GOLGB1: variants seen among roughly 807,000 people sequenced by gnomAD.
The protein encoded by GOLGB1 is golgin B1.
In GOLGB1, 174 loss-of-function variants were observed where a neutral mutation model predicts 336.9. The ratio of observed to expected loss-of-function variants is 0.52; its 90% CI spans 0.46 to 0.59. The LOEUF is 0.59. Among genes scored for constraint, GOLGB1 ranks in the 20% least tolerant of loss-of-function variants. The pLI, the probability that GOLGB1 is intolerant of heterozygous loss-of-function variation, is 0.00. For missense variants in GOLGB1, 3,331 were observed against 3,645.3 expected (o/e 0.91, Z 2.22); for synonymous variants, 1,208 against 1,289.2 (o/e 0.94, Z 1.35).
At chr3:121,718,531 G>T in intron 7 of GOLGB1, 30 bp from the exon 8 acceptor site, 1 of 1,330,498 alleles carries the variant, frequency 7.5e-7, no homozygotes, top group African/African-American at 1.4e-5. Flanking sequence ...GACATAATAT[G>T]CTAACAAATG....
rs1393871241 is a variant in GOLGB1 at position 121,747,686 on chromosome 3, T to C, written c.-3+1946A>G. Reference sequence around the variant, plus strand: ...GAAAGACAGAAGGGGGTATATATTATCATGTGCTTTATTATGATCAGAAAG... The same window carrying C: ...GAAAGACAGAAGGGGGTATATATTACCATGTGCTTTATTATGATCAGAAAG... On this transcript the variant is annotated intron_variant, in intron 1 of 21. Coordinates refer to ENST00000614479, the MANE Select transcript of GOLGB1 (RefSeq NM_001366282.2). Among the ~76,000 whole-genome samples, 4 of 152,014 alleles carry C rather than the reference T, an allele frequency of 2.6e-5. No individual in the cohort carries two copies. In the East Asian group the frequency reaches 7.7e-4, roughly 29 times the overall value.
intron 1 of GOLGB1, among the ~76,000 whole-genome samples, chr3:121,743,020 A>G (rs1241429493): frequency 1.3e-5 from 2 of 152,268 alleles, no homozygotes; most frequent in African/African-American, 4.8e-5. Flanking sequence ...TATTGGTGGT[A>G]GTGTAAATTA....
At chr3:121,727,291 CACATATATATAT>C (rs1328044303) in intron 4 of GOLGB1, among the ~76,000 whole-genome samples, 9 of 51,148 alleles carry the variant, frequency 1.8e-4, no homozygotes, top group Non-Finnish European at 3.4e-4. Flanking sequence ...TACACACACA[CACATATATATAT>C]ATATATATAT....
intron 6 of GOLGB1, 40 bp from the exon 7 acceptor site, chr3:121,719,808 C>T (rs1222951987): frequency 2.0e-6 from 3 of 1,525,736 alleles, no homozygotes; most frequent in Non-Finnish European, 2.6e-6. Flanking sequence ...AGTTACACTC[C>T]CCGAATATTG....
intron 10 of GOLGB1, among the ~76,000 whole-genome samples, chr3:121,704,601 A>C (rs1943659855): frequency 6.6e-6 from 1 of 151,960 alleles, no homozygotes. Context: ...AACATGGAGA[A>C]ACTCCGTCTC....
At chr3:121,685,940 C>G (rs1340101328) in intron 14 of GOLGB1, among the ~76,000 whole-genome samples, 4 of 152,154 alleles carry the variant, frequency 2.6e-5, no homozygotes, top group Non-Finnish European at 1.5e-5. Context: ...CTCCTCTAGT[C>G]TAGATACTAG....
chr3:121,727,675 T>C (rs765205232), intron 4 of GOLGB1, among the ~76,000 whole-genome samples: 1 of 150,978 alleles, frequency 6.6e-6, no homozygotes, highest in African/African-American at 2.4e-5. Flanking sequence ...CAATAATCTA[T>C]TTTTTTTTCC....
chr3:121,677,268 G>A lies in GOLGB1; in HGVS notation c.9039+17C>T. On this transcript the variant is annotated intron_variant, in intron 16 of 21. Transcript: ENST00000614479. The stretch of plus-strand genomic sequence containing the variant: ...AAAATTTATCTCTGAGTAACAATCA[G>A]CATTGAAATTACTCACCTGTCTTTG... The A allele has an allele frequency of 6.4e-7, 1 of 1,563,266 alleles. No individual in the cohort carries two copies. Among genetic ancestry groups the A allele is most frequent in the Non-Finnish European group, 8.8e-7 (1 of 1,141,186 alleles).
At chr3:121,733,095 G>A (rs1364946674) in intron 1 of GOLGB1, among the ~76,000 whole-genome samples, 2 of 151,446 alleles carry the variant, frequency 1.3e-5, no homozygotes, top group Non-Finnish European at 2.9e-5. Flanking sequence ...AGGCCAGGGC[G>A]GGCGGATCAC....
At chr3:121,739,309 C>T (rs1946696013) in intron 1 of GOLGB1, among the ~76,000 whole-genome samples, 1 of 151,624 alleles carries the variant, frequency 6.6e-6, no homozygotes. Flanking sequence ...AATTCAGATA[C>T]ATTACTAGAA....
intron 17 of GOLGB1, among the ~76,000 whole-genome samples, chr3:121,674,825 CTTTTTT>C (rs891603400): frequency 8.3e-6 from 1 of 121,040 alleles, no homozygotes. Flanking sequence ...AGGTGCCTTT[CTTTTTT>C]TTTTTTTTTT....
Position 121,691,601 on chromosome 3 carries a change from T to C in GOLGB1, c.7763A>G (p.Asn2588Ser). The C allele has an allele frequency of 1.2e-6, 2 of 1,613,822 alleles. No homozygotes were observed. Among genetic ancestry groups the C allele is most frequent in the Non-Finnish European group, 1.7e-6 (2 of 1,179,888 alleles). ...ATTAAAGGACCTCCGCAGATCCTCATTTGCTTCCTCAGATTCCTTCAGCTT... is the reference window on the plus strand; with the variant it reads ...ATTAAAGGACCTCCGCAGATCCTCACTTGCTTCCTCAGATTCCTTCAGCTT... ...EEKLKESEEA[N>S]EDLRRSFNAL... is the part of the protein sequence containing the mutation. The change falls in exon 14 of 22, where the codon AAT becomes AGT. Residue 2588 changes from asparagine (N) to serine (S), a missense_variant. Asn to Ser is a conservative substitution (Grantham distance 46, BLOSUM62 1). Coordinates refer to ENST00000614479, the MANE Select transcript of GOLGB1 (RefSeq NM_001366282.2).
intron 18 of GOLGB1, chr3:121,668,490 T>A: frequency 5.9e-6 from 1 of 169,974 alleles, no homozygotes; most frequent in Non-Finnish European, 1.3e-5. Context: ...CTGGCCAAGA[T>A]GGTGAAACCC....
chr3:121,691,716 T>G lies in GOLGB1; in HGVS notation c.7648A>C (p.Thr2550Pro). 6.2e-7 allele frequency: 1 copy of G among 1,612,830 alleles called. No individual in the cohort carries two copies. The highest frequency in any genetic ancestry group is 8.5e-7 in the Non-Finnish European group (1 of 1,179,736). The change falls in exon 14 of 22, where the codon ACA becomes CCA. Residue 2550 changes from threonine to proline, a missense_variant. Physicochemically the swap from Thr to Pro is conservative, Grantham distance 38. Coordinates refer to ENST00000614479, the MANE Select transcript of GOLGB1 (RefSeq NM_001366282.2). ...TGCTTTTGTTGGCTGTCCTTTATTG[T>G]TATCACTTGGTTCAGGTCTTCTCTA... ...QYREDLNQVI[T>P]IKDSQQKQLL...
At chr3:121,727,531 G>A (rs944299786) in intron 4 of GOLGB1, among the ~76,000 whole-genome samples, 1 of 151,374 alleles carries the variant, frequency 6.6e-6, no homozygotes, top group Non-Finnish European at 1.5e-5. Flanking sequence ...GTGCCATGCA[G>A]GACTAAACCT....
In GOLGB1 at chr3:121,727,050, G is replaced by C. The variant is rs1178798911; in HGVS notation, c.403-9C>G. 1 of 1,508,276 alleles carries C rather than the reference G, an allele frequency of 6.6e-7. No individual in the cohort carries two copies. Among genetic ancestry groups the C allele is most frequent in the Non-Finnish European group, 9.1e-7 (1 of 1,103,036 alleles). 93.4% of individuals were successfully genotyped at this position (1,508,276 alleles called of 1,614,324 possible). A position where few individuals can be genotyped will look rare whatever the true frequency, so the allele number is the denominator to read the frequency against. On this transcript the variant is annotated splice_polypyrimidine_tract_variant and intron_variant, in intron 4 of 21. Transcript: ENST00000614479. ...GTAGAACTCTTGTCATGCTGAAAAT[G>C]CAGGAGATAAAGTCATTATTTAAAA... is the stretch of plus-strand genomic sequence containing the variant.
intron 17 of GOLGB1, among the ~76,000 whole-genome samples, chr3:121,675,010 G>A (rs1940156994): frequency 6.6e-6 from 1 of 150,642 alleles, no homozygotes; most frequent in Admixed American, 6.6e-5. Context: ...TAATTTTTTT[G>A]TATTTTTAGT....
intron 5 of GOLGB1, among the ~76,000 whole-genome samples, chr3:121,723,454 TAATTA>T (rs1267672305): frequency 6.6e-6 from 1 of 152,254 alleles, no homozygotes; most frequent in Non-Finnish European, 1.5e-5. Context: ...TCATAACTAA[TAATTA>T]AATTGCAATA....
chr3:121,740,276 T>C (rs1946764242), intron 1 of GOLGB1, among the ~76,000 whole-genome samples: 1 of 152,192 alleles, frequency 6.6e-6, no homozygotes, highest in African/African-American at 2.4e-5. Context: ...ATTGTGATAT[T>C]ATGTATTAGT....
Sources: gnomAD v4.1 joint callset for allele counts (sites outside exome capture counted in the v4.1 genomes callset) on GRCh38, gnomAD v4.1.1 for gene constraint, MANE v1.5 for transcripts, NCBI Gene and HGNC (gene_info 2026-07-23, HGNC 2026-07-21) for gene names.